Variants in APLF observed in about 807,000 individuals in gnomAD.
APLF encodes aprataxin and PNKP like factor, also known as aprataxin and PNK-like factor.
A neutral mutation model predicts 55.6 loss-of-function variants in APLF; 61 were observed. The ratio of observed to expected loss-of-function variants is 1.10; its 90% CI spans 0.89 to 1.36. The LOEUF is 1.36. APLF is among the 40% of genes most tolerant of loss of function. The pLI is 0.00. For synonymous variants in APLF, 207 were observed against 214.8 expected (o/e 0.96, Z 0.32); for missense variants, 611 against 602.5 (o/e 1.01, Z -0.15).
Position 68,579,665 on chromosome 2 carries a change from G to C in APLF, c.*1643G>C, listed in dbSNP as rs1404384271. The C allele has an allele frequency of 6.5e-6, 1 of 155,014 alleles. No homozygotes were observed. The highest frequency in any genetic ancestry group is 2.4e-5 in the African/African-American group (1 of 41,504). 9.6% of individuals were successfully genotyped at this position (155,014 alleles called of 1,614,324 possible). A position where few individuals can be genotyped will look rare whatever the true frequency, so the allele number is the denominator to read the frequency against. On this transcript the variant is annotated 3_prime_UTR_variant, in exon 10 of 10. Coordinates refer to ENST00000303795, the MANE Select transcript of APLF (RefSeq NM_173545.3). ...TGCTACAAGATAGATGAACCTTGAA[G>C]GCAAGTAAAAGAAGCCAGACACAAA...
chr2:68,489,728 C>T (rs1025167474), intron 1 of APLF, among the ~76,000 whole-genome samples: 1 of 152,188 alleles, frequency 6.6e-6, no homozygotes, highest in Non-Finnish European at 1.5e-5. Flanking sequence ...GACCCCAAAG[C>T]CTATAGTCAG....
intron 2 of APLF, among the ~76,000 whole-genome samples, chr2:68,494,770 T>C (rs1248732230): frequency 6.6e-6 from 1 of 152,198 alleles, no homozygotes; most frequent in African/African-American, 2.4e-5. Context: ...TTTCTGTTCC[T>C]GCATTAGTTT....
chr2:68,549,853 A>G (rs1670808387), intron 8 of APLF, among the ~76,000 whole-genome samples: 1 of 152,146 alleles, frequency 6.6e-6, no homozygotes, highest in South Asian at 2.1e-4. Flanking sequence ...AAAGCCATAA[A>G]AGTGGGAAAT....
chr2:68,475,039 C>T (rs963803531), intron 1 of APLF, among the ~76,000 whole-genome samples: 3 of 152,216 alleles, frequency 2.0e-5, no homozygotes, highest in African/African-American at 7.2e-5. Context: ...CTTCTAGACA[C>T]ACTAAGTAGA....
chr2:68,534,743 T>G (rs1670342542), intron 6 of APLF, among the ~76,000 whole-genome samples: 1 of 152,182 alleles, frequency 6.6e-6, no homozygotes, highest in Non-Finnish European at 1.5e-5. Context: ...ATAAGCAATG[T>G]GGGATGCTTA....
chr2:68,549,753 A>G (rs1171415591), intron 8 of APLF, among the ~76,000 whole-genome samples: 1 of 151,964 alleles, frequency 6.6e-6, no homozygotes, highest in Non-Finnish European at 1.5e-5. Flanking sequence ...GAATATTAAA[A>G]CCTTCACTAT....
At chr2:68,494,544 A>G (rs781058362) in intron 2 of APLF, among the ~76,000 whole-genome samples, 4 of 151,836 alleles carry the variant, frequency 2.6e-5, no homozygotes, top group Non-Finnish European at 5.9e-5. Flanking sequence ...GTGCAGGTTT[A>G]TTACCTAGGT....
chr2:68,474,849 A>G (rs1452802550), intron 1 of APLF, among the ~76,000 whole-genome samples: 1 of 152,126 alleles, frequency 6.6e-6, no homozygotes, highest in African/African-American at 2.4e-5. Context: ...TGTATTTTTA[A>G]TAGAGACACG....
chr2:68,525,742 C>CTTTTTTTTT lies in APLF; in HGVS notation c.623-302_623-294dup, dbSNP rs386390398. Among the ~76,000 whole-genome samples the CTTTTTTTTT allele has an allele frequency of 6.7e-4, 55 of 82,024 alleles. 6 individuals carry two copies. The highest frequency in any genetic ancestry group is 3.0e-3 in the African/African-American group (49 of 16,180). 53.8% of individuals were successfully genotyped at this position (82,024 alleles called of 152,430 possible). A position where few individuals can be genotyped will look rare whatever the true frequency, so the allele number is the denominator to read the frequency against. Reference sequence around the variant, plus strand: ...TTTATCCTTTTTATTTTCTTTCTTTCTTTTTTTTTTTTTTTTTTTTTTTTT... The same window carrying CTTTTTTTTT: ...TTTATCCTTTTTATTTTCTTTCTTTCTTTTTTTTTTTTTTTTTTTTTTTTTTTTTTTTTT... On this transcript the variant is annotated intron_variant, in intron 5 of 9. Coordinates refer to ENST00000303795, the MANE Select transcript of APLF (RefSeq NM_173545.3).
intron 1 of APLF, among the ~76,000 whole-genome samples, chr2:68,469,169 A>G (rs192827753): frequency 2.1e-4 from 32 of 152,284 alleles, no homozygotes; most frequent in African/African-American, 7.5e-4. Context: ...TTGTTGGCCT[A>G]TACAAACACT....
chr2:68,537,164 C>CAA (rs532219555), intron 6 of APLF, among the ~76,000 whole-genome samples: 16 of 101,640 alleles, frequency 1.6e-4, no homozygotes, highest in Non-Finnish European at 2.8e-4. Flanking sequence ...GACTCCATCT[C>CAA]AAAAAAAAAA....
chr2:68,509,356 A>G (rs1676971785), intron 3 of APLF, among the ~76,000 whole-genome samples: 1 of 152,186 alleles, frequency 6.6e-6, no homozygotes. Flanking sequence ...ATCTACAAAG[A>G]ACTCAATCAA....
intron 8 of APLF, among the ~76,000 whole-genome samples, chr2:68,556,846 G>T (rs1225176265): frequency 1.3e-5 from 2 of 152,132 alleles, no homozygotes; most frequent in Non-Finnish European, 2.9e-5. Context: ...TCAACTATAA[G>T]TGCTCTCAGT....
intron 5 of APLF, among the ~76,000 whole-genome samples, chr2:68,524,221 T>C (rs1437254861): frequency 6.6e-6 from 1 of 152,210 alleles, no homozygotes; most frequent in Non-Finnish European, 1.5e-5. Flanking sequence ...TTTCCAAAAA[T>C]GATATGAACT....
intron 3 of APLF, among the ~76,000 whole-genome samples, chr2:68,511,158 A>T (rs1228442392): frequency 6.6e-6 from 1 of 151,782 alleles, no homozygotes; most frequent in Non-Finnish European, 1.5e-5. Flanking sequence ...TAACAGGATG[A>T]ATCTTATGAC....
chr2:68,471,930 A>G (rs561468106), intron 1 of APLF, among the ~76,000 whole-genome samples: 4 of 152,224 alleles, frequency 2.6e-5, no homozygotes, highest in African/African-American at 9.6e-5. Flanking sequence ...CTTGGTTTTT[A>G]TATATTTTAG....
Position 68,552,837 on chromosome 2 carries a change from A to T in APLF, c.1286+7525A>T, listed in dbSNP as rs535648669. ...CTTTCATGTCTGTAGATACGTGTAG[A>T]TGTATACGTATAGATATGGTGCTTT... On this transcript the variant is annotated intron_variant, in intron 8 of 9. Transcript: ENST00000303795. 5.9e-5 allele frequency among the ~76,000 whole-genome samples: 9 copies of T among 152,250 alleles called. No individual in the cohort carries two copies. The South Asian group carries it at 1.7e-3, about 28-fold the overall frequency.
chr2:68,492,505 T>C (rs1419985277), intron 2 of APLF, among the ~76,000 whole-genome samples: 1 of 152,096 alleles, frequency 6.6e-6, no homozygotes, highest in Non-Finnish European at 1.5e-5. Context: ...AGAGTACTAA[T>C]AATGTAAAAT....
chr2:68,569,658 A>C lies in APLF; in HGVS notation c.1333+2271A>C, dbSNP rs1031357602. 4.6e-5 allele frequency among the ~76,000 whole-genome samples: 7 copies of C among 152,164 alleles called. No homozygotes were observed. The South Asian group carries it at 1.4e-3, about 31-fold the overall frequency. On this transcript the variant is annotated intron_variant, in intron 9 of 9. Coordinates refer to ENST00000303795, the MANE Select transcript of APLF (RefSeq NM_173545.3). ...AGCTGGTGAATACAGTTTGAATTAGAGAAGGGGAAGCCTGGAGATTAGTTA... is the reference window on the plus strand; with the variant it reads ...AGCTGGTGAATACAGTTTGAATTAGCGAAGGGGAAGCCTGGAGATTAGTTA...
Sources: allele counts gnomAD v4.1 joint callset (sites outside exome capture counted in the v4.1 genomes callset), GRCh38; gene constraint gnomAD v4.1.1; transcripts MANE v1.5; gene names NCBI Gene and HGNC (gene_info 2026-07-23, HGNC 2026-07-21).